CFAP65: variants seen among roughly 807,000 people sequenced by gnomAD.
The protein encoded by CFAP65 is cilia and flagella associated protein 65, also known as cilia- and flagella-associated protein 65.
In CFAP65, 155 loss-of-function variants were observed where a neutral mutation model predicts 208.0. The observed-to-expected ratio is 0.75, with a 90% CI of 0.65 to 0.85. The LOEUF is 0.85. Ranked by LOEUF, CFAP65 falls within the 40% of genes least tolerant of loss-of-function variation. The probability of loss-of-function intolerance (pLI) is 0.00; values close to 1 mark genes in which losing one functional copy is unlikely to be tolerated. For missense variants in CFAP65, 2,294 were observed against 2,451.3 expected (o/e 0.94, Z 1.36); for synonymous variants, 970 against 986.3 (o/e 0.98, Z 0.31).
Position 219,022,321 on chromosome 2 carries a change from C to T in CFAP65, c.2829G>A (p.Thr943=), listed in dbSNP as rs1246310403. ...LIQPNERLTL[T]WTFSPLEETK... ...TCTCCTCCAAAGGGCTGAAGGTCCACGTCAGCGTCTGGGGTCACAGAAATG... is the reference window on the plus strand; with the variant it reads ...TCTCCTCCAAAGGGCTGAAGGTCCATGTCAGCGTCTGGGGTCACAGAAATG... The change falls in exon 17 of 35, where the codon ACG becomes ACA. Residue 943 remains threonine, a synonymous_variant. Coordinates refer to ENST00000341552, the MANE Select transcript of CFAP65 (RefSeq NM_194302.4). 6.9e-6 allele frequency: 11 copies of T among 1,600,780 alleles called. No individual in the cohort carries two copies. The highest frequency in any genetic ancestry group is 1.1e-5 in the South Asian group (1 of 88,554).
Position 219,023,426 on chromosome 2 carries a change from C to T in CFAP65, c.2601G>A (p.Val867=). The part of the protein sequence containing the change: ...CNASPQYLKE[V]SMYSREEPLQ... Reference sequence around the variant, plus strand: ...GTGGCTCCTCCCGGCTGTACATGCTCACCTCCTGGAGCCAGAGGAAGAAGG... The same window carrying T: ...GTGGCTCCTCCCGGCTGTACATGCTTACCTCCTGGAGCCAGAGGAAGAAGG... The change falls in exon 16 of 35, where the codon GTG becomes GTA. Residue 867 remains valine, a synonymous_variant. Coordinates refer to ENST00000341552, the MANE Select transcript of CFAP65 (RefSeq NM_194302.4). 1.3e-6 allele frequency: 2 copies of T among 1,568,990 alleles called. No individual in the cohort carries two copies. Among genetic ancestry groups the T allele is most frequent in the Non-Finnish European group, 1.7e-6 (2 of 1,156,702 alleles).
rs757745345 is a variant in CFAP65, at chr2:219,019,539, CA to C, written c.3439del (p.Cys1147ValfsTer13). The part of the protein sequence containing the change: ...NSYLERDPTP[C>X]ELTYKVPTRH... The stretch of plus-strand genomic sequence containing the variant: ...GGTGGGCACCTTGTAGGTGAGCTCA[CA>C]GGGGGTGGGGTCACGCTCCAAGTAA... On this transcript the variant is annotated frameshift_variant, in exon 20 of 35. Coordinates refer to ENST00000341552, the MANE Select transcript of CFAP65 (RefSeq NM_194302.4). LOFTEE classifies it high-confidence loss of function. The C allele has an allele frequency of 4.9e-5, 79 of 1,613,040 alleles. No homozygotes were observed. The highest frequency in any genetic ancestry group is 6.7e-5 in the African/African-American group (5 of 74,942).
At position 219,029,594 on chromosome 2, in the gene CFAP65, G is replaced by T. The variant is rs775038142; in HGVS notation, c.1459C>A (p.Leu487Met). Residue 487 changes from leucine to methionine, a missense_variant, in exon 11 of 35, where the codon CTG becomes ATG. Physicochemically the swap from Leu to Met is conservative, Grantham distance 15 (BLOSUM62 2). Around this residue, in one of 2 missense-constraint regions of CFAP65, gnomAD observed 867 missense variants for 1,012.6 expected, o/e 0.86. Transcript: ENST00000341552. ...CAGTCCGATTGGTTCTCAATCCACAGGGGCTGCTCGGAGCGCTCCCCAAGG... is the reference window on the plus strand; with the variant it reads ...CAGTCCGATTGGTTCTCAATCCACATGGGCTGCTCGGAGCGCTCCCCAAGG... The part of the protein sequence containing the change: ...VNLGERSEQP[L>M]WIENQSDCTA... 6.2e-7 allele frequency: 1 copy of T among 1,614,178 alleles called. No homozygotes were observed. The highest frequency in any genetic ancestry group is 2.2e-5 in the East Asian group (1 of 44,866).
chr2:219,008,182 T>A (rs1180904705), intron 29 of CFAP65, among the ~76,000 whole-genome samples: 1 of 152,174 alleles, frequency 6.6e-6, no homozygotes, highest in Non-Finnish European at 1.5e-5. Flanking sequence ...GTGGAGGGGA[T>A]GCTACAAAGA....
At chr2:219,010,414 C>T in intron 26 of CFAP65, 132 bp downstream of exon 26, 1 of 969,360 alleles carries the variant, frequency 1.0e-6, no homozygotes, top group Admixed American at 3.2e-5. Flanking sequence ...GTTCCAAGGT[C>T]TCATCTCTGC....
chr2:219,040,942 T>C (rs1948622277), intron 1 of CFAP65, among the ~76,000 whole-genome samples: 1 of 147,998 alleles, frequency 6.8e-6, no homozygotes, highest in Non-Finnish European at 1.5e-5. Context: ...GCAGCTCGAA[T>C]GAAACAGAGG....
intron 21 of CFAP65, chr2:219,018,783 GTTAA>G: frequency 2.1e-6 from 1 of 471,414 alleles, no homozygotes; most frequent in East Asian, 3.7e-5. Context: ...TGTCTCATTT[GTTAA>G]GTTATTAAGG....
Position 219,038,896 on chromosome 2 carries a change from C to T in CFAP65, c.153G>A (p.Lys51=), listed in dbSNP as rs150130855. 18 of 1,605,954 alleles carry T rather than the reference C, an allele frequency of 1.1e-5. No individual in the cohort carries two copies. In the African/African-American group the frequency reaches 2.0e-4, roughly 18 times the overall value. ...KKQAESKSQI[K]LHTQSAPFGL... ...GGTGTTACTGAAGTGTGTGCATTAC[C>T]TTTATCTGGCTTTTACTCTCTGCTT... is the stretch of plus-strand genomic sequence containing the variant. Residue 51 remains lysine (K), a splice_region_variant and synonymous_variant, in exon 3 of 35, where the codon AAG becomes AAA. Coordinates refer to ENST00000341552, the MANE Select transcript of CFAP65 (RefSeq NM_194302.4).
At chr2:219,027,567 T>A (rs758851592) in intron 13 of CFAP65, 83 bp downstream of exon 13, 10 of 1,612,978 alleles carry the variant, frequency 6.2e-6, no homozygotes, top group Non-Finnish European at 8.5e-6. Flanking sequence ...GAAGCTGCCC[T>A]CGGTCACTTC....
In CFAP65 at chr2:219,031,930, T is replaced by C. The variant is rs574382948; in HGVS notation, c.646-272A>G. ...GAAGGGGTTTCTTTTCTTTTCTTTTTTTTTTTTTTTTTTTGAGTCTCGCTC... is the reference window on the plus strand; with the variant it reads ...GAAGGGGTTTCTTTTCTTTTCTTTTCTTTTTTTTTTTTTTGAGTCTCGCTC... On this transcript the variant is annotated intron_variant, in intron 6 of 34. Transcript: ENST00000341552. The surrounding 1 kb of genome is among the most constrained non-coding windows in gnomAD (Gnocchi z 5.2). Among the ~76,000 whole-genome samples the C allele has an allele frequency of 3.6e-4, 38 of 104,668 alleles. No individual in the cohort carries two copies. The highest frequency in any genetic ancestry group is 1.1e-3 in the African/African-American group (21 of 18,344). The allele number at this position is 104,668 out of a possible 152,430, so 68.7% of individuals were successfully genotyped here.
rs571192003 is a variant in CFAP65, at chr2:219,027,138, G to A, written c.2211+512C>T. On this transcript the variant is annotated intron_variant, in intron 13 of 34. Coordinates refer to ENST00000341552, the MANE Select transcript of CFAP65 (RefSeq NM_194302.4). The stretch of plus-strand genomic sequence containing the variant: ...GGCAGGACTAACGGATGAGGAGGGG[G>A]CACCACGCATCTGGGGCCAGAACAG... 9 of 1,129,656 alleles carry A rather than the reference G, an allele frequency of 8.0e-6. No homozygotes were observed. In the South Asian group the frequency reaches 1.2e-4, roughly 15 times the overall value. The allele number at this position is 1,129,656 out of a possible 1,614,324, so 70.0% of individuals were successfully genotyped here.
chr2:219,008,561 A>G (rs1559117977), intron 29 of CFAP65, among the ~76,000 whole-genome samples: 1 of 152,254 alleles, frequency 6.6e-6, no homozygotes, highest in East Asian at 1.9e-4. Context: ...CCTGGCCAAC[A>G]TGGTGAAACC....
Position 219,030,222 on chromosome 2 carries a change from C to G in CFAP65, c.1162-14G>C. The G allele has an allele frequency of 6.2e-7, 1 of 1,611,880 alleles. No homozygotes were observed. The highest frequency in any genetic ancestry group is 8.5e-7 in the Non-Finnish European group (1 of 1,178,154). On this transcript the variant is annotated splice_polypyrimidine_tract_variant and intron_variant, in intron 9 of 34. Coordinates refer to ENST00000341552, the MANE Select transcript of CFAP65 (RefSeq NM_194302.4). The stretch of plus-strand genomic sequence containing the variant: ...GGGGGCATTTACCTGTGTGGCCAAG[C>G]AGAAGGACAAAGGGTCAGGTCACAG...
At chr2:219,039,094 C>A in intron 2 of CFAP65, 44 bp from the exon 3 acceptor site, 1 of 1,507,036 alleles carries the variant, frequency 6.6e-7, no homozygotes. Context: ...ATCTCCAGAG[C>A]AGAGGGATCC....
chr2:219,022,350 C>T, intron 16 of CFAP65, 21 bp from the exon 17 acceptor site: 1 of 1,578,966 alleles, frequency 6.3e-7, no homozygotes, highest in African/African-American at 1.3e-5. Context: ...AGAAATGATC[C>T]CTGCAGTGGC....
intron 20 of CFAP65, 53 bp from the exon 21 acceptor site, chr2:219,019,232 C>A: frequency 6.4e-7 from 1 of 1,552,120 alleles, no homozygotes; most frequent in East Asian, 2.3e-5. Context: ...CAGGGCAGGG[C>A]CCTCCCAGGG....
In CFAP65 at chr2:219,013,898, C is replaced by T. The variant is rs1415277358; in HGVS notation, c.3749G>A (p.Gly1250Glu). The T allele has an allele frequency of 6.2e-7, 1 of 1,612,314 alleles. No homozygotes were observed. Among genetic ancestry groups the T allele is most frequent in the Non-Finnish European group, 8.5e-7 (1 of 1,179,238 alleles). The change falls in exon 22 of 35, where the codon GGG (glycine) becomes GAG (glutamate). Residue 1250 changes from glycine to glutamate, a missense_variant. Gly to Glu is a moderately conservative substitution (Grantham distance 98, BLOSUM62 -2). This residue lies in a region of CFAP65 where 1,427 missense variants were observed against 1,438.7 expected (regional missense o/e 0.99). Coordinates refer to ENST00000341552, the MANE Select transcript of CFAP65 (RefSeq NM_194302.4). The part of the protein sequence containing the change: ...ISPKAGSLSP[G>E]QEQMVELKYS... ...TTTTAACTCCACCATCTGCTCCTGC[C>T]CAGGACTCAGGCTCCCAGCCTTGGG... is the stretch of plus-strand genomic sequence containing the variant.
At chr2:219,013,778 A>C in intron 22 of CFAP65, 90 bp downstream of exon 22, 1 of 1,309,272 alleles carries the variant, frequency 7.6e-7, no homozygotes, top group Non-Finnish European at 1.1e-6. Flanking sequence ...GGGAATGGCC[A>C]TTTGGGGTGC....
chr2:219,027,358 C>T (rs1947696161), intron 13 of CFAP65: 1 of 1,454,208 alleles, frequency 6.9e-7, no homozygotes, highest in East Asian at 2.5e-5. Flanking sequence ...AGCCAGGAGC[C>T]CCAGGGAGTA....
Sources: gnomAD v4.1 joint callset for allele counts (sites outside exome capture counted in the v4.1 genomes callset) on GRCh38, gnomAD v4.1.1 for gene constraint, gnomAD v4.1.1 regional missense constraint, Gnocchi (gnomAD v3.1) non-coding constraint, MANE v1.5 for transcripts, NCBI Gene and HGNC (gene_info 2026-07-23, HGNC 2026-07-21) for gene names.